ARHGAP12: variants seen among roughly 807,000 people sequenced by gnomAD.
The protein encoded by ARHGAP12 is Rho GTPase activating protein 12.
A neutral mutation model predicts 108.6 loss-of-function variants in ARHGAP12; 64 were observed. That is an observed-to-expected ratio of 0.59 (90% CI 0.48 to 0.73). The LOEUF is 0.73. ARHGAP12 is among the 30% of genes least tolerant of loss of function. The pLI, the probability that ARHGAP12 is intolerant of heterozygous loss-of-function variation, is 0.00. For missense variants in ARHGAP12, 940 were observed against 1,005.9 expected, an observed-to-expected ratio of 0.93 and a Z score of 0.89; for synonymous variants, 312 against 337.2, an observed-to-expected ratio of 0.93 and a Z score of 0.82.
At chr10:31,916,023 T>A (rs906118481) in intron 1 of ARHGAP12, among the ~76,000 whole-genome samples, 7 of 152,180 alleles carry the variant, frequency 4.6e-5, no homozygotes, top group Non-Finnish European at 1.0e-4. Context: ...TAAGAGAAAG[T>A]TGAACGCTGT....
At chr10:31,829,010 C>G (rs372448902) in intron 10 of ARHGAP12, among the ~76,000 whole-genome samples, 4 of 151,834 alleles carry the variant, frequency 2.6e-5, no homozygotes, top group Non-Finnish European at 4.4e-5. Flanking sequence ...AAATTAGCCA[C>G]GCGTAGTGGC....
chr10:31,873,934 G>A (rs574166592), intron 3 of ARHGAP12, among the ~76,000 whole-genome samples: 15 of 152,308 alleles, frequency 9.8e-5, no homozygotes, highest in African/African-American at 3.6e-4. Context: ...AACATGCGAT[G>A]ACCTGGTACA....
intron 12 of ARHGAP12, among the ~76,000 whole-genome samples, chr10:31,818,838 T>C (rs537266447): frequency 9.9e-5 from 15 of 152,270 alleles, no homozygotes; most frequent in African/African-American, 3.4e-4. Flanking sequence ...GAATAAAATA[T>C]ACACTGCTTC....
chr10:31,868,069 G>A (rs1409456003), intron 3 of ARHGAP12, among the ~76,000 whole-genome samples: 1 of 151,982 alleles, frequency 6.6e-6, no homozygotes, highest in Non-Finnish European at 1.5e-5. Flanking sequence ...GCGTGGTGGT[G>A]CACACGTAAT....
Position 31,839,326 on chromosome 10 carries a change from A to T in ARHGAP12, c.1372-7T>A. The T allele has an allele frequency of 6.2e-7, 1 of 1,608,286 alleles. No homozygotes were observed. Reference sequence around the variant, plus strand: ...TTACCTTTGGACTGCTGGCCTGAGGAAAAAAAGAGTAAAGTATAATGTCAT... The same window carrying T: ...TTACCTTTGGACTGCTGGCCTGAGGTAAAAAAGAGTAAAGTATAATGTCAT... On this transcript the variant is annotated splice_polypyrimidine_tract_variant and splice_region_variant and intron_variant, in intron 8 of 19. Coordinates refer to ENST00000344936, the MANE Select transcript of ARHGAP12 (RefSeq NM_018287.7).
At chr10:31,816,086 G>T (rs1197069412) in intron 13 of ARHGAP12, among the ~76,000 whole-genome samples, 1 of 151,908 alleles carries the variant, frequency 6.6e-6, no homozygotes, top group African/African-American at 2.4e-5. Context: ...AGGAGACGGA[G>T]GTTGCCGTGA....
intron 4 of ARHGAP12, 86 bp downstream of exon 4, chr10:31,861,309 G>T: frequency 6.8e-7 from 1 of 1,473,164 alleles, no homozygotes; most frequent in Non-Finnish European, 9.1e-7. Flanking sequence ...CTGACAGTAA[G>T]AAACAAAACT....
In ARHGAP12 at chr10:31,923,966, T is replaced by TA. The variant is rs746365682; in HGVS notation, c.-111+4716dup. On this transcript the variant is annotated intron_variant, in intron 1 of 19. Coordinates refer to ENST00000344936, the MANE Select transcript of ARHGAP12 (RefSeq NM_018287.7). ...ATTATACCTCAAAACTGTATTTTTT[T>TA]AAAAAAACTGTTAAAACCCTAATGA... is the stretch of plus-strand genomic sequence containing the variant. Among the ~76,000 whole-genome samples, 15 of 152,242 alleles carry TA rather than the reference T, an allele frequency of 9.9e-5. No individual in the cohort carries two copies. The South Asian group carries it at 1.0e-3, about 11-fold the overall frequency.
intron 1 of ARHGAP12, among the ~76,000 whole-genome samples, chr10:31,914,199 T>C (rs1273158335): frequency 2.0e-5 from 3 of 152,256 alleles, no homozygotes; most frequent in Admixed American, 1.3e-4. Context: ...ATTTTTGCTT[T>C]CGTTGCCTGT....
intron 6 of ARHGAP12, among the ~76,000 whole-genome samples, chr10:31,851,852 A>G (rs1360936264): frequency 6.6e-6 from 1 of 152,222 alleles, no homozygotes; most frequent in Non-Finnish European, 1.5e-5. Flanking sequence ...CTGACACCAC[A>G]TATTTGTCCA....
At chr10:31,871,752 G>GT (rs1318087671) in intron 3 of ARHGAP12, among the ~76,000 whole-genome samples, 8 of 152,302 alleles carry the variant, frequency 5.3e-5, no homozygotes, top group African/African-American at 1.9e-4. Context: ...CTATCTATCT[G>GT]TATCTAGACG....
Position 31,820,381 on chromosome 10 carries a change from T to C in ARHGAP12, c.1632+6A>G, listed in dbSNP as rs955580800. 1.3e-6 allele frequency: 2 copies of C among 1,595,102 alleles called. No homozygotes were observed. The highest frequency in any genetic ancestry group is 1.7e-6 in the Non-Finnish European group (2 of 1,171,420). ...AATGTGTTATACTTAGAAAAAAATGTATTACCTCAAATACATTCTTTTTGC... is the reference window on the plus strand; with the variant it reads ...AATGTGTTATACTTAGAAAAAAATGCATTACCTCAAATACATTCTTTTTGC... On this transcript the variant is annotated splice_donor_region_variant and intron_variant, in intron 12 of 19. Transcript: ENST00000344936.
At chr10:31,894,395 CAA>C (rs1208539615) in intron 3 of ARHGAP12, among the ~76,000 whole-genome samples, 1 of 152,104 alleles carries the variant, frequency 6.6e-6, no homozygotes, top group East Asian at 1.9e-4. Flanking sequence ...GCAACTTCAG[CAA>C]AGTCTCAGGA....
chr10:31,847,427 G>C (rs956691609), intron 6 of ARHGAP12, among the ~76,000 whole-genome samples: 3 of 152,042 alleles, frequency 2.0e-5, no homozygotes, highest in Admixed American at 6.6e-5. Context: ...TTGCTGTTCT[G>C]ATCTGCCCTG....
chr10:31,902,091 A>C (rs962725202), intron 3 of ARHGAP12, among the ~76,000 whole-genome samples: 1 of 152,164 alleles, frequency 6.6e-6, no homozygotes, highest in Admixed American at 6.6e-5. Flanking sequence ...AATTCTGAAA[A>C]AGAAGAATAA....
Position 31,893,553 on chromosome 10 carries a change from T to C in ARHGAP12, c.684+14619A>G, listed in dbSNP as rs920729077. ...CTCCCAAGACTAAACCAGGAAGAAGTTGAATCTCTGAATAGACCAATAACA... is the reference window on the plus strand; with the variant it reads ...CTCCCAAGACTAAACCAGGAAGAAGCTGAATCTCTGAATAGACCAATAACA... On this transcript the variant is annotated intron_variant, in intron 3 of 19. Transcript: ENST00000344936. Among the ~76,000 whole-genome samples, 19 of 122,816 alleles carry C rather than the reference T, an allele frequency of 1.5e-4. 1 individual carries two copies. Among genetic ancestry groups the C allele is most frequent in the Admixed American group, 7.8e-4 (9 of 11,598 alleles). 80.6% of individuals were successfully genotyped at this position (122,816 alleles called of 152,430 possible). A position where few individuals can be genotyped will look rare whatever the true frequency, so the allele number is the denominator to read the frequency against.
At chr10:31,867,730 C>T (rs1837380233) in intron 3 of ARHGAP12, among the ~76,000 whole-genome samples, 1 of 151,854 alleles carries the variant, frequency 6.6e-6, no homozygotes, top group Non-Finnish European at 1.5e-5. Flanking sequence ...AAGAAAATTC[C>T]TAAAGACACA....
intron 1 of ARHGAP12, among the ~76,000 whole-genome samples, chr10:31,916,156 T>C (rs1839546833): frequency 6.6e-6 from 1 of 152,114 alleles, no homozygotes; most frequent in African/African-American, 2.4e-5. Flanking sequence ...CACGCCTCCA[T>C]CCATATTCAT....
At chr10:31,879,294 C>T (rs1837849413) in intron 3 of ARHGAP12, among the ~76,000 whole-genome samples, 1 of 152,096 alleles carries the variant, frequency 6.6e-6, no homozygotes. Context: ...CCCCTGTGTT[C>T]CCAGCTACTT....
Sources: allele counts gnomAD v4.1 joint callset (sites outside exome capture counted in the v4.1 genomes callset), GRCh38; gene constraint gnomAD v4.1.1; transcripts MANE v1.5; gene names NCBI Gene and HGNC (gene_info 2026-07-23, HGNC 2026-07-21).